Variants in LRRC69 observed in about 807,000 individuals in gnomAD.
The protein encoded by LRRC69 is leucine rich repeat containing 69.
A neutral mutation model predicts 37.8 loss-of-function variants in LRRC69; 42 were observed. The observed-to-expected ratio is 1.11, with a 90% CI of 0.87 to 1.44. The LOEUF (loss-of-function observed/expected upper bound fraction) is 1.44. LRRC69 is among the 40% of genes most tolerant of loss of function. The probability of loss-of-function intolerance (pLI) is 0.00; values close to 1 mark genes in which losing one functional copy is unlikely to be tolerated. For missense variants in LRRC69, 357 were observed against 401.9 expected (o/e 0.89, Z 0.96); for synonymous variants, 141 against 143.1 (o/e 0.99, Z 0.11).
At chr8:91,133,448 C>T in intron 4 of LRRC69, 143 bp downstream of exon 4, 1 of 539,486 alleles carries the variant, frequency 1.9e-6, no homozygotes, top group Non-Finnish European at 3.0e-6. Context: ...TTCCCAAATC[C>T]CTATGACAGA....
At chr8:91,187,804 T>G (rs1471482542) in intron 5 of LRRC69, among the ~76,000 whole-genome samples, 3 of 152,226 alleles carry the variant, frequency 2.0e-5, no homozygotes, top group African/African-American at 7.2e-5. Flanking sequence ...TAAATGCCTT[T>G]TCCTCTGGTC....
intron 6 of LRRC69, among the ~76,000 whole-genome samples, chr8:91,191,041 A>ACCC (rs58095353): frequency 5.0e-4 from 57 of 114,450 alleles, no homozygotes; most frequent in African/African-American, 1.2e-3. Context: ...CCTGTCTCAA[A>ACCC]CCCCCCCCCC....
intron 5 of LRRC69, among the ~76,000 whole-genome samples, chr8:91,176,337 G>A (rs886107341): frequency 2.6e-5 from 4 of 151,342 alleles, no homozygotes; most frequent in Non-Finnish European, 4.4e-5. Context: ...AGTAGAGATG[G>A]GGTTTCACCA....
intron 2 of LRRC69, among the ~76,000 whole-genome samples, chr8:91,126,697 C>G (rs1332585889): frequency 1.3e-5 from 2 of 151,650 alleles, no homozygotes; most frequent in African/African-American, 4.8e-5. Flanking sequence ...CAAACATGTT[C>G]AAAAGAGAGA....
At chr8:91,125,830 G>A (rs1813705020) in intron 2 of LRRC69, among the ~76,000 whole-genome samples, 1 of 151,350 alleles carries the variant, frequency 6.6e-6, no homozygotes, top group Non-Finnish European at 1.5e-5. Context: ...AAATTTGTTT[G>A]GAGTGCTCTT....
intron 4 of LRRC69, among the ~76,000 whole-genome samples, chr8:91,134,947 G>A (rs1166361705): frequency 6.6e-6 from 1 of 151,980 alleles, no homozygotes; most frequent in African/African-American, 2.4e-5. Context: ...CACATGCAAA[G>A]ATTTGAAAAA....
At chr8:91,186,250 G>C (rs1809405947) in intron 5 of LRRC69, among the ~76,000 whole-genome samples, 1 of 152,166 alleles carries the variant, frequency 6.6e-6, no homozygotes, top group Non-Finnish European at 1.5e-5. Context: ...TGTTTAAAGA[G>C]ACCAAAGCCT....
chr8:91,163,607 C>T (rs1377945381), intron 5 of LRRC69, among the ~76,000 whole-genome samples: 1 of 151,398 alleles, frequency 6.6e-6, no homozygotes, highest in African/African-American at 2.4e-5. Flanking sequence ...TATTGCTTTC[C>T]TGTTCCACTT....
At chr8:91,194,732 CTTT>C (rs1482639042) in intron 6 of LRRC69, among the ~76,000 whole-genome samples, 7 of 152,072 alleles carry the variant, frequency 4.6e-5, no homozygotes, top group African/African-American at 1.7e-4. Flanking sequence ...TTTGATTCTT[CTTT>C]TTTTCTTTAT....
At chr8:91,161,055 A>G (rs529641051) in intron 5 of LRRC69, among the ~76,000 whole-genome samples, 19 of 151,430 alleles carry the variant, frequency 1.3e-4, no homozygotes, top group African/African-American at 3.1e-4. Context: ...GGATGATCAT[A>G]TGATTTCTAC....
intron 5 of LRRC69, among the ~76,000 whole-genome samples, chr8:91,140,272 T>C (rs745832568): frequency 5.1e-4 from 77 of 152,088 alleles, no homozygotes; most frequent in Non-Finnish European, 1.0e-3. Flanking sequence ...TTTTGATACC[T>C]AATTCCTGTC....
At chr8:91,214,583 C>T (rs188806826) in intron 7 of LRRC69, among the ~76,000 whole-genome samples, 2 of 152,110 alleles carry the variant, frequency 1.3e-5, no homozygotes, top group East Asian at 3.9e-4. Flanking sequence ...AATATGAGGC[C>T]TAAGGTAAGT....
At chr8:91,218,359 AT>A (rs370578481) in intron 7 of LRRC69, among the ~76,000 whole-genome samples, 1 of 11,540 alleles carries the variant, frequency 8.7e-5, no homozygotes, top group African/African-American at 2.6e-3. Context: ...TGTACAAATT[AT>A]TTTGAAGTAC....
At chr8:91,175,570 T>C (rs534449146) in intron 5 of LRRC69, among the ~76,000 whole-genome samples, 25 of 152,228 alleles carry the variant, frequency 1.6e-4, no homozygotes, top group African/African-American at 4.6e-4. Context: ...GGCCAGGCTA[T>C]ATTGGCTTTC....
At chr8:91,189,496 A>G (rs1809457429) in intron 5 of LRRC69, 26 bp from the exon 6 acceptor site, 2 of 1,428,174 alleles carry the variant, frequency 1.4e-6, no homozygotes, top group East Asian at 2.5e-5. Flanking sequence ...TTGTTGTGCA[A>G]TAAGGTTTTT....
chr8:91,125,562 A>G (rs1173113455), intron 2 of LRRC69, among the ~76,000 whole-genome samples: 1 of 151,882 alleles, frequency 6.6e-6, no homozygotes, highest in Non-Finnish European at 1.5e-5. Flanking sequence ...TTCAGTTACA[A>G]TTTACCTTGG....
chr8:91,178,239 G>A (rs984944374), intron 5 of LRRC69, among the ~76,000 whole-genome samples: 1 of 152,214 alleles, frequency 6.6e-6, no homozygotes, highest in Non-Finnish European at 1.5e-5. Context: ...AGATGACAGA[G>A]TAGTAGTTGG....
At chr8:91,143,815 C>T (rs753559824) in intron 5 of LRRC69, among the ~76,000 whole-genome samples, 77 of 152,030 alleles carry the variant, frequency 5.1e-4, no homozygotes, top group Non-Finnish European at 1.0e-3. Context: ...AGCAACTTTC[C>T]CAGAAATACA....
At chr8:91,110,919 A>G (rs1377503240) in intron 1 of LRRC69, among the ~76,000 whole-genome samples, 2 of 152,080 alleles carry the variant, frequency 1.3e-5, no homozygotes, top group South Asian at 2.1e-4. Flanking sequence ...ATTAGAACAG[A>G]TTAAGCTCAA....
Sources: allele counts gnomAD v4.1 joint callset (sites outside exome capture counted in the v4.1 genomes callset), GRCh38; gene constraint gnomAD v4.1.1; transcripts MANE v1.5; gene names NCBI Gene and HGNC (gene_info 2026-07-23, HGNC 2026-07-21).